The following MEOX2 variants were observed in gnomAD, a reference collection of about 807,000 sequenced individuals.
The protein encoded by MEOX2 is homeobox protein MOX-2.
Under a neutral mutation model 27.0 loss-of-function variants are expected in MEOX2, and 11 were observed. The ratio of observed to expected loss-of-function variants is 0.41; its 90% CI spans 0.26 to 0.68. MEOX2 has a LOEUF of 0.68. Ranked by LOEUF, MEOX2 falls within the 30% of genes least tolerant of loss-of-function variation. MEOX2 has a pLI of 0.33. For synonymous variants in MEOX2, 189 were observed against 155.4 expected (o/e 1.22, Z -1.61); for missense variants, 436 against 385.4 (o/e 1.13, Z -1.10).
chr7:15,623,311 A>G (rs1781248508), intron 2 of MEOX2, among the ~76,000 whole-genome samples: 1 of 152,232 alleles, frequency 6.6e-6, no homozygotes, highest in Non-Finnish European at 1.5e-5. Context: ...TGATAAATTC[A>G]GCACAGTAAA....
At chr7:15,630,798 T>C (rs1251780026) in intron 1 of MEOX2, among the ~76,000 whole-genome samples, 1 of 152,044 alleles carries the variant, frequency 6.6e-6, no homozygotes, top group Non-Finnish European at 1.5e-5. Flanking sequence ...CTATTGGTGC[T>C]AGTAATTTTC....
At chr7:15,670,650 T>A (rs898264769) in intron 1 of MEOX2, among the ~76,000 whole-genome samples, 2 of 152,224 alleles carry the variant, frequency 1.3e-5, no homozygotes, top group Non-Finnish European at 2.9e-5. Context: ...TAGTTAAAAT[T>A]TAAATTTACA....
At chr7:15,638,071 T>C (rs966852612) in intron 1 of MEOX2, among the ~76,000 whole-genome samples, 1 of 152,106 alleles carries the variant, frequency 6.6e-6, no homozygotes, top group Admixed American at 6.6e-5. Flanking sequence ...TTTAGTGAAA[T>C]ACACCTTTAT....
intron 1 of MEOX2, among the ~76,000 whole-genome samples, chr7:15,654,145 A>G (rs542900270): frequency 1.3e-5 from 2 of 152,030 alleles, no homozygotes; most frequent in South Asian, 4.1e-4. Flanking sequence ...TATACCTAAG[A>G]TATTTCTGGT....
intron 1 of MEOX2, among the ~76,000 whole-genome samples, chr7:15,650,214 G>A (rs540877055): frequency 1.3e-5 from 2 of 152,042 alleles, no homozygotes; most frequent in African/African-American, 4.8e-5. Flanking sequence ...CAACCTCTCT[G>A]TAAATTGCAC....
intron 1 of MEOX2, among the ~76,000 whole-genome samples, chr7:15,659,049 G>C (rs1247338920): frequency 6.6e-6 from 1 of 152,096 alleles, no homozygotes; most frequent in Non-Finnish European, 1.5e-5. Flanking sequence ...ACCCAGGGTG[G>C]AGTGCAGTGG....
intron 1 of MEOX2, among the ~76,000 whole-genome samples, chr7:15,657,394 T>G (rs747838280): frequency 6.6e-6 from 1 of 152,168 alleles, no homozygotes; most frequent in Admixed American, 6.5e-5. Context: ...ATTTTCTTTT[T>G]ATCATTCATT....
At chr7:15,644,605 T>C (rs1781615077) in intron 1 of MEOX2, among the ~76,000 whole-genome samples, 1 of 152,156 alleles carries the variant, frequency 6.6e-6, no homozygotes, top group African/African-American at 2.4e-5. Context: ...ATCTCCTTGC[T>C]CCAGGATTTG....
chr7:15,620,886 AAG>A (rs1781211831), intron 2 of MEOX2, among the ~76,000 whole-genome samples: 2 of 152,188 alleles, frequency 1.3e-5, no homozygotes, highest in African/African-American at 2.4e-5. Flanking sequence ...CTCTGTGAAA[AAG>A]ATGTTTTGAA....
intron 1 of MEOX2, among the ~76,000 whole-genome samples, chr7:15,630,957 T>A (rs559731407): frequency 1.3e-5 from 2 of 152,024 alleles, no homozygotes; most frequent in East Asian, 3.9e-4. Context: ...CTCTTGCCAA[T>A]CCACTTTCCA....
chr7:15,633,531 C>T (rs1317652763), intron 1 of MEOX2, among the ~76,000 whole-genome samples: 1 of 151,878 alleles, frequency 6.6e-6, no homozygotes, highest in African/African-American at 2.4e-5. Context: ...GAAAATTCAG[C>T]ACCAATTCTG....
intron 1 of MEOX2, among the ~76,000 whole-genome samples, chr7:15,627,182 C>T (rs574754777): frequency 2.8e-4 from 43 of 152,044 alleles, no homozygotes; most frequent in African/African-American, 8.0e-4. Context: ...CCTTTAACTG[C>T]TTGTAGTATG....
At chr7:15,625,658 C>T (rs1781291751) in intron 2 of MEOX2, among the ~76,000 whole-genome samples, 1 of 152,118 alleles carries the variant, frequency 6.6e-6, no homozygotes, top group Non-Finnish European at 1.5e-5. Flanking sequence ...GACTCTAGCC[C>T]TAAGAGTGCC....
At chr7:15,620,320 A>T (rs1362628424) in intron 2 of MEOX2, among the ~76,000 whole-genome samples, 2 of 152,234 alleles carry the variant, frequency 1.3e-5, no homozygotes, top group African/African-American at 4.8e-5. Context: ...ATGAATAGAC[A>T]ATAAGTCAAC....
chr7:15,630,536 T>C (rs1412540172), intron 1 of MEOX2, among the ~76,000 whole-genome samples: 2 of 152,022 alleles, frequency 1.3e-5, no homozygotes, highest in African/African-American at 4.8e-5. Flanking sequence ...GTCTGTAAAA[T>C]ATCAAAATGG....
chr7:15,648,504 A>G (rs1189288983), intron 1 of MEOX2, among the ~76,000 whole-genome samples: 1 of 152,122 alleles, frequency 6.6e-6, no homozygotes, highest in Non-Finnish European at 1.5e-5. Flanking sequence ...GCTGGGATAC[A>G]GAGGAAAGGA....
At chr7:15,681,594 G>C (rs1367922873) in intron 1 of MEOX2, 1 of 151,652 alleles carries the variant, frequency 6.6e-6, no homozygotes, top group Admixed American at 6.6e-5. Flanking sequence ...TAAGTTCTTA[G>C]GATGTTTAGA....
At chr7:15,685,826 A>G in intron 1 of MEOX2, 60 bp downstream of exon 1, 2 of 1,529,454 alleles carry the variant, frequency 1.3e-6, no homozygotes, top group Non-Finnish European at 8.8e-7. Context: ...CTCCCCTAGT[A>G]TCTCTCCGCC....
intron 1 of MEOX2, among the ~76,000 whole-genome samples, chr7:15,659,078 C>T (rs1254399371): frequency 1.3e-5 from 2 of 152,172 alleles, no homozygotes; most frequent in Non-Finnish European, 2.9e-5. Flanking sequence ...TGGCTCATTA[C>T]AGCCTTGATC....
Sources: allele counts gnomAD v4.1 joint callset (sites outside exome capture counted in the v4.1 genomes callset), GRCh38; gene constraint gnomAD v4.1.1; transcripts MANE v1.5; gene names NCBI Gene and HGNC (gene_info 2026-07-23, HGNC 2026-07-21).